Variants in KLF16 observed in about 807,000 individuals in gnomAD.
KLF16 encodes KLF transcription factor 16.
KLF16 carries 6 observed loss-of-function variants against 6.1 expected under a neutral mutation model. That is an observed-to-expected ratio of 0.98 (90% CI 0.54 to 1.93). The LOEUF is 1.93. Ranked by LOEUF, KLF16 falls within the 30% of genes most tolerant of loss-of-function variation. The pLI, the probability that KLF16 is intolerant of heterozygous loss-of-function variation, is 0.01. For missense variants in KLF16, 355 were observed against 363.8 expected (o/e 0.98, Z 0.20); for synonymous variants, 211 against 176.5 (o/e 1.20, Z -1.55).
At chr19:1,869,624 T>C in the KLF16 span, among the ~76,000 whole-genome samples, 1 of 152,202 alleles carries the variant, frequency 6.6e-6, no homozygotes, top group Non-Finnish European at 1.5e-5. Context: ...TATTATTGTC[T>C]TTAAGATGAG....
upstream of KLF16, among the ~76,000 whole-genome samples, chr19:1,868,401 C>T (rs557094323): frequency 5.3e-5 from 8 of 150,552 alleles, no homozygotes; most frequent in East Asian, 1.4e-3. Flanking sequence ...GGAGGGTGTC[C>T]TGCCCCAAAC....
intron 1 of KLF16, among the ~76,000 whole-genome samples, chr19:1,860,079 G>A (rs1018052274): frequency 6.6e-6 from 1 of 151,418 alleles, no homozygotes; most frequent in Non-Finnish European, 1.5e-5. Flanking sequence ...ACCCTCTGGA[G>A]GTGCAGGCTG....
chr19:1,872,081 A>G, the KLF16 span, among the ~76,000 whole-genome samples: 1 of 152,104 alleles, frequency 6.6e-6, no homozygotes, highest in Non-Finnish European at 1.5e-5. Flanking sequence ...GATGATGAAA[A>G]GCTTCCATAA....
In KLF16 at chr19:1,853,967, C is replaced by CA. The variant is rs2011890335; in HGVS notation, c.*491dup. On this transcript the variant is annotated 3_prime_UTR_variant, in exon 2 of 2. Transcript: ENST00000250916. ...CACCCCCATTTCCCTGAACTACTCC[C>CA]ATGGCTTTCGGTGGGGTGGGGGTGG... is the stretch of plus-strand genomic sequence containing the variant. 7.6e-6 allele frequency: 1 copy of CA among 130,974 alleles called. No homozygotes were observed. The highest frequency in any genetic ancestry group is 7.6e-5 in the Admixed American group (1 of 13,120). 8.1% of individuals were successfully genotyped at this position (130,974 alleles called of 1,614,324 possible). A position where few individuals can be genotyped will look rare whatever the true frequency, so the allele number is the denominator to read the frequency against.
intron 1 of KLF16, chr19:1,861,463 C>T (rs2012063198): frequency 6.6e-6 from 1 of 152,404 alleles, no homozygotes; most frequent in Non-Finnish European, 1.5e-5. Context: ...GCTGCCTCGC[C>T]ATCTTCACAG....
upstream of KLF16, among the ~76,000 whole-genome samples, chr19:1,868,461 CTTTTTTTTTT>C (rs762308559): frequency 5.5e-5 from 6 of 110,040 alleles, no homozygotes; most frequent in African/African-American, 1.3e-4. Context: ...CAGATTAGGG[CTTTTTTTTTT>C]TTTTTTTTTT....
chr19:1,863,100 T>G lies in KLF16; in HGVS notation c.398A>C (p.Asp133Ala). 1 of 1,396,762 alleles carries G rather than the reference T, an allele frequency of 7.2e-7. No individual in the cohort carries two copies. The highest frequency in any genetic ancestry group is 9.5e-7 in the Non-Finnish European group (1 of 1,056,392). 86.5% of individuals were successfully genotyped at this position (1,396,762 alleles called of 1,614,324 possible). ...GGACTTGTAGTAGGCTTTGGCGCAG[T>G]CCGGGAAGGGACAGCGGTGGCTCTT... ...AAKSHRCPFPDCAKAYYKSSH... is the reference protein window; with the variant it reads ...AAKSHRCPFPACAKAYYKSSH... The change falls in exon 1 of 2, where the codon GAC becomes GCC. Residue 133 changes from aspartate (D) to alanine (A), a missense_variant. Physicochemically the swap from Asp to Ala is moderately radical, Grantham distance 126. Transcript: ENST00000250916.
intron 1 of KLF16, among the ~76,000 whole-genome samples, chr19:1,856,705 G>T (rs1028374454): frequency 6.6e-6 from 1 of 152,218 alleles, no homozygotes; most frequent in East Asian, 1.9e-4. Context: ...CTCAGTCTGG[G>T]GACGGGGTCT....
At chr19:1,864,951 G>C (rs1002223312), upstream of KLF16, among the ~76,000 whole-genome samples, 1 of 152,216 alleles carries the variant, frequency 6.6e-6, no homozygotes, top group Non-Finnish European at 1.5e-5. Flanking sequence ...GCGACCTCCT[G>C]CTCTGGGTTG....
At chr19:1,856,473 A>C (rs1198041300) in intron 1 of KLF16, among the ~76,000 whole-genome samples, 1 of 152,136 alleles carries the variant, frequency 6.6e-6, no homozygotes, top group Non-Finnish European at 1.5e-5. Flanking sequence ...AGGCAGCTGG[A>C]GAGGGGGAGA....
chr19:1,867,485 G>A (rs1023721716), upstream of KLF16, among the ~76,000 whole-genome samples: 6 of 152,238 alleles, frequency 3.9e-5, no homozygotes, highest in Admixed American at 3.9e-4. Flanking sequence ...CGAGGCGGGA[G>A]GATTGCTTGC....
At chr19:1,860,655 G>T (rs144665216) in intron 1 of KLF16, among the ~76,000 whole-genome samples, 1 of 152,160 alleles carries the variant, frequency 6.6e-6, no homozygotes, top group Admixed American at 6.5e-5. Context: ...GGACAGCCCT[G>T]CAATGGGGCT....
rs566416957 is a variant in KLF16 at position 1,858,723 on chromosome 19, T to C, written c.458-3963A>G. The stretch of plus-strand genomic sequence containing the variant: ...CCTTCTACATAAAAGGAGGCCCACC[T>C]GAGGCCCAACCCAGGCCAGGACCTC... On this transcript the variant is annotated intron_variant, in intron 1 of 1. Coordinates refer to ENST00000250916, the MANE Select transcript of KLF16 (RefSeq NM_031918.4). Among the ~76,000 whole-genome samples, 353 of 152,178 alleles carry C rather than the reference T, an allele frequency of 2.3e-3. 2 individuals are homozygous for C. The highest frequency in any genetic ancestry group is 4.4e-3 in the Non-Finnish European group (296 of 67,972).
chr19:1,869,558 C>A, the KLF16 span, among the ~76,000 whole-genome samples: 1 of 152,228 alleles, frequency 6.6e-6, no homozygotes, highest in Admixed American at 6.5e-5. Context: ...GGATTCTCTG[C>A]ACCACCCGTG....
Position 1,854,730 on chromosome 19 carries a change from C to G in KLF16, c.488G>C (p.Gly163Ala), listed in dbSNP as rs760739021. ...GGAGCGGGCGAACTTCTTGTCGCAG[C>G]CCTGCCAGTCACAAGCAAAAGGGCG... The part of the protein sequence containing the change: ...GERPFACDWQ[G>A]CDKKFARSDE... The change falls in exon 2 of 2, where the codon GGC (glycine) becomes GCC (alanine). Residue 163 changes from glycine (G) to alanine (A), a missense_variant. Transcript: ENST00000250916. 6.3e-7 allele frequency: 1 copy of G among 1,598,850 alleles called. No individual in the cohort carries two copies. Among genetic ancestry groups the G allele is most frequent in the Non-Finnish European group, 8.5e-7 (1 of 1,179,454 alleles).
chr19:1,868,905 A>T, the KLF16 span, among the ~76,000 whole-genome samples: 1 of 152,090 alleles, frequency 6.6e-6, no homozygotes, highest in Non-Finnish European at 1.5e-5. Context: ...AGCCTCCCAA[A>T]GTGCTAGGAT....
At chr19:1,865,873 T>G (rs2012180726), upstream of KLF16, among the ~76,000 whole-genome samples, 1 of 152,204 alleles carries the variant, frequency 6.6e-6, no homozygotes, top group Non-Finnish European at 1.5e-5. Context: ...TATGACCCTG[T>G]AAATTCTCCA....
At chr19:1,874,387 G>A in the KLF16 span, among the ~76,000 whole-genome samples, 1 of 152,048 alleles carries the variant, frequency 6.6e-6, no homozygotes, top group South Asian at 2.1e-4. Flanking sequence ...ATGCTTTTTT[G>A]GGAAATAAAG....
chr19:1,868,476 T>A (rs1023137461), upstream of KLF16, among the ~76,000 whole-genome samples: 6 of 51,364 alleles, frequency 1.2e-4, no homozygotes, highest in Non-Finnish European at 3.9e-4. Context: ...TTTTTTTTTT[T>A]TTTTTTTTTT....
Sources: allele counts gnomAD v4.1 joint callset (sites outside exome capture counted in the v4.1 genomes callset), GRCh38; gene constraint gnomAD v4.1.1; transcripts MANE v1.5; gene names NCBI Gene and HGNC (gene_info 2026-07-23, HGNC 2026-07-21).